The following PLAG1 variants were observed in gnomAD, a reference collection of about 807,000 sequenced individuals.
PLAG1 encodes PLAG1 zinc finger, also known as zinc finger protein PLAG1.
PLAG1 carries 7 observed loss-of-function variants against 35.5 expected under a neutral mutation model. The ratio of observed to expected loss-of-function variants is 0.20; its 90% CI spans 0.11 to 0.37. The LOEUF (loss-of-function observed/expected upper bound fraction) is 0.37. Among genes scored for constraint, PLAG1 ranks in the 10% least tolerant of loss-of-function variants. The pLI, the probability that PLAG1 is intolerant of heterozygous loss-of-function variation, is 1.00. For missense variants in PLAG1, 454 were observed against 602.8 expected (o/e 0.75, Z 2.58); for synonymous variants, 229 against 225.4 (o/e 1.02, Z -0.14).
chr8:56,205,308 T>C (rs1812666771), intron 1 of PLAG1, among the ~76,000 whole-genome samples: 1 of 151,876 alleles, frequency 6.6e-6, no homozygotes, highest in Non-Finnish European at 1.5e-5. Flanking sequence ...ATCTTCAAAA[T>C]ATTTTATAAA....
intron 3 of PLAG1, among the ~76,000 whole-genome samples, chr8:56,168,817 G>A (rs1333621732): frequency 1.3e-5 from 2 of 152,210 alleles, no homozygotes; most frequent in Non-Finnish European, 2.9e-5. Context: ...GCTCTAGTCA[G>A]ACTGCACTAT....
At chr8:56,183,535 A>AT (rs946924274) in intron 1 of PLAG1, among the ~76,000 whole-genome samples, 7 of 152,226 alleles carry the variant, frequency 4.6e-5, no homozygotes, top group Non-Finnish European at 1.0e-4. Context: ...TATTATTCCA[A>AT]TTTTTTAAAA....
At chr8:56,181,661 G>A (rs988637900) in intron 1 of PLAG1, among the ~76,000 whole-genome samples, 2 of 152,060 alleles carry the variant, frequency 1.3e-5, no homozygotes, top group African/African-American at 4.8e-5. Flanking sequence ...CATAGCACGT[G>A]TATACCTATG....
At chr8:56,201,645 T>A (rs1003814372) in intron 1 of PLAG1, among the ~76,000 whole-genome samples, 1 of 152,210 alleles carries the variant, frequency 6.6e-6, no homozygotes, top group Non-Finnish European at 1.5e-5. Context: ...AATAATTAGC[T>A]GCTATAGGTC....
intron 1 of PLAG1, among the ~76,000 whole-genome samples, chr8:56,182,126 G>C (rs1215750941): frequency 6.6e-6 from 1 of 152,240 alleles, no homozygotes; most frequent in Non-Finnish European, 1.5e-5. Context: ...TTATGAGATG[G>C]ATTGAAAGCA....
chr8:56,205,625 C>T (rs566834212), intron 1 of PLAG1, among the ~76,000 whole-genome samples: 2 of 151,832 alleles, frequency 1.3e-5, no homozygotes, highest in Non-Finnish European at 2.9e-5. Flanking sequence ...TTCTTATCTA[C>T]CAAATTCTTT....
intron 1 of PLAG1, among the ~76,000 whole-genome samples, chr8:56,202,360 T>C (rs1296432552): frequency 6.6e-6 from 1 of 152,190 alleles, no homozygotes; most frequent in Non-Finnish European, 1.5e-5. Context: ...CACAGAAAAC[T>C]AGTCTACGTA....
intron 1 of PLAG1, among the ~76,000 whole-genome samples, chr8:56,191,998 A>G (rs1438616157): frequency 6.6e-6 from 1 of 152,218 alleles, no homozygotes. Flanking sequence ...GAAGATTAGC[A>G]GCCCCAGGTA....
intron 3 of PLAG1, among the ~76,000 whole-genome samples, chr8:56,168,781 A>G (rs529742278): frequency 1.3e-5 from 2 of 152,366 alleles, no homozygotes; most frequent in East Asian, 3.9e-4. Flanking sequence ...TCAGTCTCTA[A>G]AAATCAGTTT....
chr8:56,166,802 A>G lies in PLAG1; in HGVS notation c.944T>C (p.Met315Thr), dbSNP rs1198606701. The G allele has an allele frequency of 1.2e-6, 2 of 1,613,880 alleles. No homozygotes were observed. The highest frequency in any genetic ancestry group is 2.7e-5 in the African/African-American group (2 of 74,922). Residue 315 changes from methionine to threonine, a missense_variant, in exon 5 of 5, where the codon ATG becomes ACG. Met to Thr is a moderately conservative substitution (Grantham distance 81). Transcript: ENST00000316981. ...AGTGTCCATATCTATTGGGCATGTC[A>G]TTCCCAAAGGTAAAGTTGTGATCAT... Reference protein sequence around the residue: ...HQMITTLPLGMTCPIDMDTVH... With the variant: ...HQMITTLPLGTTCPIDMDTVH...
intron 2 of PLAG1, among the ~76,000 whole-genome samples, chr8:56,173,442 T>C (rs1811589768): frequency 6.6e-6 from 1 of 152,150 alleles, no homozygotes; most frequent in Non-Finnish European, 1.5e-5. Context: ...ATACAGTTTG[T>C]ATTTATGTAA....
chr8:56,174,739 G>A (rs1252517948), intron 2 of PLAG1, among the ~76,000 whole-genome samples: 1 of 152,140 alleles, frequency 6.6e-6, no homozygotes, highest in African/African-American at 2.4e-5. Context: ...CATGGACTCA[G>A]CCAACCATGG....
intron 1 of PLAG1, among the ~76,000 whole-genome samples, chr8:56,196,148 A>C (rs1812358960): frequency 6.6e-6 from 1 of 152,212 alleles, no homozygotes; most frequent in Non-Finnish European, 1.5e-5. Flanking sequence ...CCAAAGGCAC[A>C]TGATCATAAA....
At chr8:56,207,955 TGA>T (rs902956071) in intron 1 of PLAG1, among the ~76,000 whole-genome samples, 8 of 151,972 alleles carry the variant, frequency 5.3e-5, no homozygotes, top group Admixed American at 2.0e-4. Context: ...CCACCCTATA[TGA>T]GAGGAAGAAA....
At chr8:56,198,599 C>G (rs113886095) in intron 1 of PLAG1, among the ~76,000 whole-genome samples, 1 of 152,338 alleles carries the variant, frequency 6.6e-6, no homozygotes, top group African/African-American at 2.4e-5. Context: ...CCCTATCTCG[C>G]TCCCTCTGCC....
chr8:56,162,566 C>T lies in PLAG1; in HGVS notation c.*3677G>A, dbSNP rs77755202. On this transcript the variant is annotated 3_prime_UTR_variant, in exon 5 of 5. Transcript: ENST00000316981. ...TTATAATAAGTCTTAAAATAAAAGGCATAACCTATAAGAAAGTTTCTGTAA... is the reference window on the plus strand; with the variant it reads ...TTATAATAAGTCTTAAAATAAAAGGTATAACCTATAAGAAAGTTTCTGTAA... The T allele has an allele frequency of 7.4e-3, 1,565 of 210,762 alleles. 11 individuals are homozygous for T. Among genetic ancestry groups the T allele is most frequent in the Middle Eastern group, 0.012 (8 of 672 alleles). The allele number at this position is 210,762 out of a possible 1,614,324, so 13.1% of individuals were successfully genotyped here. A position where few individuals can be genotyped will look rare whatever the true frequency, so the allele number is the denominator to read the frequency against.
intron 1 of PLAG1, among the ~76,000 whole-genome samples, chr8:56,182,512 T>C (rs1289823507): frequency 1.3e-5 from 2 of 148,652 alleles, no homozygotes; most frequent in Non-Finnish European, 3.0e-5. Flanking sequence ...AAGATAAAAA[T>C]GCTAAGAGCT....
intron 3 of PLAG1, among the ~76,000 whole-genome samples, 189 bp downstream of exon 3, chr8:56,170,902 T>A (rs1400513400): frequency 6.6e-6 from 1 of 152,220 alleles, no homozygotes. Flanking sequence ...AATTTTTTCA[T>A]GGCTGATAAT....
At chr8:56,209,926 A>C (rs1812808083) in intron 1 of PLAG1, among the ~76,000 whole-genome samples, 1 of 152,148 alleles carries the variant, frequency 6.6e-6, no homozygotes, top group Non-Finnish European at 1.5e-5. Flanking sequence ...AAATGGCATC[A>C]CTTTTTTTTC....
Sources: allele counts gnomAD v4.1 joint callset (sites outside exome capture counted in the v4.1 genomes callset), GRCh38; gene constraint gnomAD v4.1.1; transcripts MANE v1.5; gene names NCBI Gene and HGNC (gene_info 2026-07-23, HGNC 2026-07-21).